The following EIF2B3 variants were observed in gnomAD, a reference collection of about 807,000 sequenced individuals.
EIF2B3 encodes eukaryotic translation initiation factor 2B subunit gamma, also known as translation initiation factor eIF2B subunit gamma.
EIF2B3 carries 20 observed loss-of-function variants against 54.1 expected under a neutral mutation model. The ratio of observed to expected loss-of-function variants is 0.37; its 90% CI spans 0.26 to 0.54. The LOEUF (loss-of-function observed/expected upper bound fraction) is 0.54, where lower values mean the gene tolerates loss of function less well. EIF2B3 is among the 20% of genes least tolerant of loss of function. EIF2B3 has a pLI of 0.86. For missense variants in EIF2B3, 448 were observed against 547.8 expected (o/e 0.82, Z 1.82); for synonymous variants, 153 against 188.1 (o/e 0.81, Z 1.52).
chr1:44,859,255 C>T (rs368755984), intron 10 of EIF2B3, among the ~76,000 whole-genome samples: 17 of 152,064 alleles, frequency 1.1e-4, no homozygotes, highest in Non-Finnish European at 2.1e-4. Context: ...GAACTGTGAT[C>T]GCACCACCGC....
rs565495860 is a variant in EIF2B3 at position 44,881,853 on chromosome 1, G to A, written c.657-114C>T. 21 of 1,387,440 alleles carry A rather than the reference G, an allele frequency of 1.5e-5. No homozygotes were observed. In the Middle Eastern group the frequency reaches 5.4e-4, roughly 36 times the overall value. The allele number at this position is 1,387,440 out of a possible 1,614,324, so 85.9% of individuals were successfully genotyped here. A position where few individuals can be genotyped will look rare whatever the true frequency, so the allele number is the denominator to read the frequency against. On this transcript the variant is annotated intron_variant, in intron 6 of 11. Transcript: ENST00000360403. This position sits in a 1 kb window ranked among gnomAD's most constrained non-coding sequence, Gnocchi z 4.0. ...ATCCTTTCCTGTCATGGCACCTTGGGACTGTCAGAGATCAAATGTGGCATT... is the reference window on the plus strand; with the variant it reads ...ATCCTTTCCTGTCATGGCACCTTGGAACTGTCAGAGATCAAATGTGGCATT...
At chr1:44,972,276 CACAAACACACACAT>C (rs1644408447) in intron 3 of EIF2B3, among the ~76,000 whole-genome samples, 1 of 78,112 alleles carries the variant, frequency 1.3e-5, no homozygotes, top group Non-Finnish European at 2.5e-5. Flanking sequence ...CATATACACA[CACAAACACACACAT>C]GTATATACAC....
At chr1:44,876,478 CGTCTG>C (rs1655154406) in intron 8 of EIF2B3, among the ~76,000 whole-genome samples, 1 of 132,828 alleles carries the variant, frequency 7.5e-6, no homozygotes, top group Non-Finnish European at 1.6e-5. Flanking sequence ...GCAGCCGCCC[CGTCTG>C]AGAAGTGAGG....
At chr1:44,973,601 G>A (rs1437406757) in intron 3 of EIF2B3, among the ~76,000 whole-genome samples, 1 of 152,134 alleles carries the variant, frequency 6.6e-6, no homozygotes, top group Non-Finnish European at 1.5e-5. Flanking sequence ...CTACTCAGGA[G>A]GCTGAGGCAC....
At chr1:44,951,791 C>CTT (rs59135544) in intron 3 of EIF2B3, among the ~76,000 whole-genome samples, 3,760 of 139,992 alleles carry the variant, frequency 0.027, 178 homozygotes, top group African/African-American at 0.085. Context: ...CTCCCTTCCT[C>CTT]TTTTTTTTTT....
rs763196787 is a variant in EIF2B3 at position 44,874,717 on chromosome 1, G to T, written c.1163C>A (p.Thr388Asn). ...SCLIKDRVTI[T>N]NCLLMNSVTV... is the part of the protein sequence containing the mutation. ...GACTGAGTTCATGAGAAGGCAATTG[G>T]TAATAGTCACTCTATCTTTTATGAG... is the stretch of plus-strand genomic sequence containing the variant. The change falls in exon 10 of 12, where the codon ACC (threonine) becomes AAC (asparagine). Residue 388 changes from threonine to asparagine, a missense_variant. Thr to Asn is a moderately conservative substitution (Grantham distance 65). Transcript: ENST00000360403. 6.2e-7 allele frequency: 1 copy of T among 1,614,126 alleles called. No individual in the cohort carries two copies. The highest frequency in any genetic ancestry group is 8.5e-7 in the Non-Finnish European group (1 of 1,180,028).
chr1:44,914,932 G>A (rs1643591983), intron 5 of EIF2B3, among the ~76,000 whole-genome samples: 2 of 151,894 alleles, frequency 1.3e-5, no homozygotes, highest in African/African-American at 4.8e-5. Flanking sequence ...CTTGTGATCC[G>A]CCCACTTCGG....
At chr1:44,952,357 C>T (rs989169502) in intron 3 of EIF2B3, among the ~76,000 whole-genome samples, 2 of 151,992 alleles carry the variant, frequency 1.3e-5, no homozygotes, top group Non-Finnish European at 2.9e-5. Context: ...GCCTCGGCCT[C>T]CCAAAGTGCT....
In EIF2B3 at chr1:44,890,020, T is replaced by A. The variant is rs188557258; in HGVS notation, c.656+7335A>T. On this transcript the variant is annotated intron_variant, in intron 6 of 11. Coordinates refer to ENST00000360403, the MANE Select transcript of EIF2B3 (RefSeq NM_020365.5). ...ACTTTTGACAATGGCTAATGGCAGTTATCAGGGAATACGTGGCTCTTTGCA... is the reference window on the plus strand; with the variant it reads ...ACTTTTGACAATGGCTAATGGCAGTAATCAGGGAATACGTGGCTCTTTGCA... Among the ~76,000 whole-genome samples, 459 of 152,324 alleles carry A rather than the reference T, an allele frequency of 3.0e-3. 3 individuals carry two copies. Among genetic ancestry groups the A allele is most frequent in the African/African-American group, 0.011 (438 of 41,566 alleles).
At chr1:44,958,011 T>C (rs1436752992) in intron 3 of EIF2B3, among the ~76,000 whole-genome samples, 1 of 152,222 alleles carries the variant, frequency 6.6e-6, no homozygotes, top group Non-Finnish European at 1.5e-5. Context: ...AATTGCAAAG[T>C]TATTCATTGC....
chr1:44,893,121 G>A (rs968723652), intron 6 of EIF2B3, among the ~76,000 whole-genome samples: 12 of 152,120 alleles, frequency 7.9e-5, no homozygotes, highest in African/African-American at 2.9e-4. Context: ...GTGCAGTGGT[G>A]CCATCATATA....
chr1:44,972,623 T>TATACACACAC (rs1389316681), intron 3 of EIF2B3: 3 of 141,686 alleles, frequency 2.1e-5, no homozygotes, highest in African/African-American at 7.7e-5. Flanking sequence ...AATAAATAAA[T>TATACACACAC]ACACACACAC....
At chr1:44,876,368 G>T (rs1156253339) in intron 8 of EIF2B3, among the ~76,000 whole-genome samples, 28 of 146,974 alleles carry the variant, frequency 1.9e-4, no homozygotes, top group South Asian at 1.4e-3. Context: ...CCCCGTCTGG[G>T]ATGTGAGGAG....
intron 5 of EIF2B3, among the ~76,000 whole-genome samples, chr1:44,909,384 AT>A (rs1260421563): frequency 2.6e-5 from 4 of 152,140 alleles, no homozygotes; most frequent in African/African-American, 4.8e-5. Context: ...TGACAACAAA[AT>A]TTTGGAAGCT....
chr1:44,941,934 G>A (rs779731856), intron 3 of EIF2B3, among the ~76,000 whole-genome samples: 1 of 152,110 alleles, frequency 6.6e-6, no homozygotes, highest in African/African-American at 2.4e-5. Context: ...CTAAGAAACA[G>A]TCTGAAAACC....
intron 6 of EIF2B3, among the ~76,000 whole-genome samples, chr1:44,896,767 C>T (rs951939055): frequency 4.6e-5 from 7 of 152,186 alleles, no homozygotes; most frequent in Admixed American, 6.5e-5. Context: ...AACTCAAGTC[C>T]GGTGATCTGC....
At chr1:44,851,134 G>A (rs911617396) in intron 11 of EIF2B3, 131 bp from the exon 12 acceptor site, 8 of 821,624 alleles carry the variant, frequency 9.7e-6, no homozygotes, top group South Asian at 1.4e-5. Flanking sequence ...GCACAATCTC[G>A]GCTTACTGCA....
chr1:44,929,280 C>T (rs1162699143), intron 4 of EIF2B3, among the ~76,000 whole-genome samples: 1 of 152,140 alleles, frequency 6.6e-6, no homozygotes, highest in Non-Finnish European at 1.5e-5. Context: ...CAGACAATGG[C>T]TGCTAAATAA....
At chr1:44,930,640 AT>A (rs909576200) in intron 4 of EIF2B3, among the ~76,000 whole-genome samples, 5 of 151,794 alleles carry the variant, frequency 3.3e-5, no homozygotes, top group East Asian at 3.9e-4. Flanking sequence ...CTCCCTATAT[AT>A]TTTTTTTCTT....
Sources: allele counts gnomAD v4.1 joint callset (sites outside exome capture counted in the v4.1 genomes callset), GRCh38; gene constraint gnomAD v4.1.1; non-coding constraint Gnocchi (gnomAD v3.1); transcripts MANE v1.5; gene names NCBI Gene and HGNC (gene_info 2026-07-23, HGNC 2026-07-21).